Variants in MCF2L2 observed in about 807,000 individuals in gnomAD.
MCF2L2 encodes MCF.2 cell line derived transforming sequence-like 2.
In MCF2L2, 102 loss-of-function variants were observed where a neutral mutation model predicts 150.2. The observed-to-expected ratio is 0.68, with a 90% confidence interval of 0.58 to 0.80. The LOEUF is 0.80. Ranked by LOEUF, MCF2L2 falls within the 30% of genes least tolerant of loss-of-function variation. MCF2L2 has a pLI of 0.00. For missense variants in MCF2L2, 1,256 were observed against 1,372.8 expected (o/e 0.91, Z 1.34); for synonymous variants, 465 against 491.3 (o/e 0.95, Z 0.71).
intron 1 of MCF2L2, among the ~76,000 whole-genome samples, chr3:183,396,777 T>C (rs1162892371): frequency 2.0e-5 from 3 of 151,954 alleles, no homozygotes; most frequent in East Asian, 3.9e-4. Flanking sequence ...TGCAATAATA[T>C]GGAATAGTAT....
intron 11 of MCF2L2, chr3:183,297,623 T>A (rs55637189): frequency 0.039 from 4,859 of 123,656 alleles, 243 homozygotes; most frequent in African/African-American, 0.14. Context: ...CACACCAGGC[T>A]AATTTTTCCT....
At chr3:183,189,564 T>A (rs1721807004) in intron 27 of MCF2L2, among the ~76,000 whole-genome samples, 1 of 152,132 alleles carries the variant, frequency 6.6e-6, no homozygotes, top group Admixed American at 6.5e-5. Flanking sequence ...GCATGAGGAA[T>A]CCTATCTCTT....
At chr3:183,311,145 C>A in intron 8 of MCF2L2, 116 bp from the exon 9 acceptor site, 1 of 629,098 alleles carries the variant, frequency 1.6e-6, no homozygotes, top group South Asian at 2.0e-5. Flanking sequence ...TTGTGACCAT[C>A]TCATTATTAT....
At chr3:183,231,156 A>T (rs1723540034) in intron 15 of MCF2L2, 139 bp from the exon 16 acceptor site, 1 of 712,972 alleles carries the variant, frequency 1.4e-6, no homozygotes, top group Non-Finnish European at 2.5e-6. Context: ...TGGTCAGTTC[A>T]TTCTGTTCTA....
At chr3:183,239,514 G>A (rs999408220) in intron 15 of MCF2L2, among the ~76,000 whole-genome samples, 2 of 151,738 alleles carry the variant, frequency 1.3e-5, no homozygotes, top group East Asian at 3.8e-4. Flanking sequence ...AGGATTTCCT[G>A]ATAAGTTTCT....
In MCF2L2 at chr3:183,269,695, G is replaced by A. The variant is rs576568971; in HGVS notation, c.1862+7177C>T. ...GACTTCCATTTTTAATGACCAACAT[G>A]TATTAAGATGGACACCTACTCTACG... is the stretch of plus-strand genomic sequence containing the variant. On this transcript the variant is annotated intron_variant, in intron 15 of 29. Coordinates refer to ENST00000328913, the MANE Select transcript of MCF2L2 (RefSeq NM_015078.4). 5.9e-6 allele frequency: 6 copies of A among 1,008,694 alleles called. No individual in the cohort carries two copies. In the African/African-American group the frequency reaches 8.1e-5, roughly 14 times the overall value. The allele number at this position is 1,008,694 out of a possible 1,614,324, so 62.5% of individuals were successfully genotyped here.
At chr3:183,206,722 T>C (rs1291162286) in intron 23 of MCF2L2, among the ~76,000 whole-genome samples, 1 of 151,954 alleles carries the variant, frequency 6.6e-6, no homozygotes, top group Non-Finnish European at 1.5e-5. Context: ...AAATACAAAA[T>C]TAGCTGGGCA....
At chr3:183,383,972 T>G (rs1004593913) in intron 2 of MCF2L2, among the ~76,000 whole-genome samples, 2 of 152,202 alleles carry the variant, frequency 1.3e-5, no homozygotes, top group Admixed American at 1.3e-4. Flanking sequence ...GCTCCTTCCA[T>G]GTTCTCTTAG....
chr3:183,257,891 G>A (rs1334696895), intron 15 of MCF2L2, among the ~76,000 whole-genome samples: 1 of 141,564 alleles, frequency 7.1e-6, no homozygotes, highest in African/African-American at 2.7e-5. Flanking sequence ...TTTCTCTTAT[G>A]TGCTTAAAAA....
intron 7 of MCF2L2, among the ~76,000 whole-genome samples, chr3:183,312,725 A>G (rs967591193): frequency 2.0e-5 from 3 of 151,798 alleles, no homozygotes; most frequent in African/African-American, 7.3e-5. Flanking sequence ...AGACCTCCCC[A>G]CTCTGATCAC....
intron 3 of MCF2L2, chr3:183,376,931 T>C (rs970798736): frequency 2.0e-5 from 3 of 152,334 alleles, no homozygotes. Context: ...GAATTCCATC[T>C]TCTCCTCTTA....
chr3:183,405,248 ACTTT>A (rs985175227), intron 1 of MCF2L2, among the ~76,000 whole-genome samples: 4 of 152,340 alleles, frequency 2.6e-5, no homozygotes, highest in African/African-American at 7.2e-5. Flanking sequence ...GGGATTATAG[ACTTT>A]CTTTCTTGTA....
At chr3:183,423,869 G>C (rs1390657853) in intron 1 of MCF2L2, among the ~76,000 whole-genome samples, 2 of 151,976 alleles carry the variant, frequency 1.3e-5, no homozygotes, top group Non-Finnish European at 2.9e-5. Flanking sequence ...TGATCTGCCT[G>C]CCTCGGCCTC....
At chr3:183,279,739 TACA>T (rs1727366551) in intron 14 of MCF2L2, among the ~76,000 whole-genome samples, 1 of 152,132 alleles carries the variant, frequency 6.6e-6, no homozygotes, top group Admixed American at 6.5e-5. Flanking sequence ...CTGTTACAAA[TACA>T]ACAATTGGCT....
chr3:183,287,103 A>G (rs897661732), intron 14 of MCF2L2, among the ~76,000 whole-genome samples: 5 of 152,000 alleles, frequency 3.3e-5, no homozygotes, highest in African/African-American at 1.2e-4. Context: ...AACACTTTCC[A>G]CACCTACAGG....
At chr3:183,190,568 C>A (rs1576908767) in intron 27 of MCF2L2, among the ~76,000 whole-genome samples, 1 of 152,232 alleles carries the variant, frequency 6.6e-6, no homozygotes, top group African/African-American at 2.4e-5. Flanking sequence ...CTGGGCAGTA[C>A]TGGAGCATGG....
rs1726304297 is a variant in MCF2L2, at chr3:183,267,776, G to A, written c.1862+9096C>T. ...GTCCCAGTGGTGGAGGAAAAGAGAG[G>A]ACCTGGTGTAAGCAGCCATGGCATG... On this transcript the variant is annotated intron_variant, in intron 15 of 29. Coordinates refer to ENST00000328913, the MANE Select transcript of MCF2L2 (RefSeq NM_015078.4). This position sits in a 1 kb window ranked among gnomAD's most constrained non-coding sequence, Gnocchi z 5.5. Among the ~76,000 whole-genome samples the A allele has an allele frequency of 6.6e-6, 1 of 152,194 alleles. No individual in the cohort carries two copies. The highest frequency in any genetic ancestry group is 2.4e-5 in the African/African-American group (1 of 41,428).
intron 3 of MCF2L2, among the ~76,000 whole-genome samples, chr3:183,355,159 C>T (rs978283497): frequency 6.6e-6 from 1 of 151,554 alleles, no homozygotes; most frequent in Non-Finnish European, 1.5e-5. Context: ...ACTTTCTTTA[C>T]ATGATATTGA....
At chr3:183,390,251 T>C (rs1714064831) in intron 1 of MCF2L2, among the ~76,000 whole-genome samples, 1 of 152,172 alleles carries the variant, frequency 6.6e-6, no homozygotes, top group South Asian at 2.1e-4. Context: ...CCTACCTCAC[T>C]TCCTTCCTCC....
Sources: allele counts gnomAD v4.1 joint callset (sites outside exome capture counted in the v4.1 genomes callset), GRCh38; gene constraint gnomAD v4.1.1; non-coding constraint Gnocchi (gnomAD v3.1); transcripts MANE v1.5; gene names NCBI Gene and HGNC (gene_info 2026-07-23, HGNC 2026-07-21).